POLA1: variants seen among roughly 807,000 people sequenced by gnomAD.
POLA1 encodes DNA polymerase alpha 1, catalytic subunit, also known as DNA polymerase alpha catalytic subunit.
In POLA1, 15 loss-of-function variants were observed where a neutral mutation model predicts 124.0. That is an observed-to-expected ratio of 0.12 (90% confidence interval 0.08 to 0.19). POLA1 has a LOEUF of 0.19. POLA1 is among the 10% of genes least tolerant of loss of function. The pLI is 1.00. For missense variants in POLA1, 886 were observed against 1,103.4 expected, an observed-to-expected ratio of 0.80 and a Z score of 2.79; for synonymous variants, 408 against 389.4, an observed-to-expected ratio of 1.05 and a Z score of -0.56.
chrX:24,745,066 AT>A (rs757505679), intron 23 of POLA1, among the ~76,000 whole-genome samples: 241 of 97,897 alleles, frequency 2.5e-3, no homozygotes, highest in Admixed American at 2.3e-3. Flanking sequence ...AGAGTTGAAC[AT>A]TTTTTTTTTT....
intron 26 of POLA1, among the ~76,000 whole-genome samples, chrX:24,801,452 C>T (rs951606905): frequency 9.0e-6 from 1 of 111,582 alleles, no homozygotes; most frequent in Non-Finnish European, 1.9e-5. Flanking sequence ...AGGTTTAATG[C>T]CCATGATATG....
At chrX:24,973,148 G>A (rs1295145941) in intron 36 of POLA1, among the ~76,000 whole-genome samples, 1 of 111,671 alleles carries the variant, frequency 9.0e-6, no homozygotes, top group African/African-American at 3.3e-5. Flanking sequence ...CTGAGTTCAG[G>A]AGTTCGAGAC....
At chrX:24,922,581 A>C (rs942512523) in intron 35 of POLA1, among the ~76,000 whole-genome samples, 1 of 111,446 alleles carries the variant, frequency 9.0e-6, no homozygotes, top group Non-Finnish European at 1.9e-5. Flanking sequence ...TTTTTTGATG[A>C]ATATATACTT....
At chrX:24,829,710 G>T (rs2046232922) in intron 32 of POLA1, among the ~76,000 whole-genome samples, 1 of 112,234 alleles carries the variant, frequency 8.9e-6, no homozygotes, top group Non-Finnish European at 1.9e-5. Flanking sequence ...CGAGGCCCCT[G>T]TTATCAGTTC....
chrX:24,796,580 C>G (rs1385468713), intron 26 of POLA1, among the ~76,000 whole-genome samples: 1 of 111,505 alleles, frequency 9.0e-6, no homozygotes, highest in Non-Finnish European at 1.9e-5. Context: ...GTTTTTGGTG[C>G]TAACTTGCCT....
intron 26 of POLA1, among the ~76,000 whole-genome samples, chrX:24,765,347 A>G (rs1489915850): frequency 9.8e-6 from 1 of 101,819 alleles, no homozygotes; most frequent in Non-Finnish European, 2.0e-5. Flanking sequence ...GCCCAGGCTG[A>G]AGTGCAGTGG....
At chrX:24,879,957 A>G (rs1017375532) in intron 34 of POLA1, among the ~76,000 whole-genome samples, 5 of 111,737 alleles carry the variant, frequency 4.5e-5, no homozygotes, top group African/African-American at 1.6e-4. Flanking sequence ...GATGGCTTGC[A>G]TGGGGGCTCT....
At chrX:24,854,244 C>T (rs917378485) in intron 34 of POLA1, among the ~76,000 whole-genome samples, 2 of 110,648 alleles carry the variant, frequency 1.8e-5, no homozygotes, top group Non-Finnish European at 3.8e-5. Context: ...CAGGGTTTCA[C>T]CATGTTGGCC....
chrX:24,806,913 A>C (rs1602419283), intron 26 of POLA1, among the ~76,000 whole-genome samples: 2 of 111,985 alleles, frequency 1.8e-5, no homozygotes, highest in Middle Eastern at 4.6e-3. Context: ...AGAATAAGGC[A>C]GCTCTTTATG....
At chrX:24,816,471 C>T (rs2045989593) in intron 30 of POLA1, among the ~76,000 whole-genome samples, 1 of 112,100 alleles carries the variant, frequency 8.9e-6, no homozygotes, top group Admixed American at 9.4e-5. Context: ...TTTGTTTATA[C>T]ATTAGAAGGG....
At chrX:24,795,161 CT>C (rs2148474605) in intron 26 of POLA1, among the ~76,000 whole-genome samples, 1 of 110,694 alleles carries the variant, frequency 9.0e-6, no homozygotes, top group Non-Finnish European at 1.9e-5. Flanking sequence ...CGTTTTAATG[CT>C]CTGGGTTCTG....
At chrX:24,695,581 A>T (rs915253323) in intron 1 of POLA1, among the ~76,000 whole-genome samples, 3 of 110,984 alleles carry the variant, frequency 2.7e-5, no homozygotes, top group Non-Finnish European at 5.7e-5. Context: ...CCTGGGTTCA[A>T]GCAGTTCTGC....
intron 24 of POLA1, among the ~76,000 whole-genome samples, chrX:24,746,766 A>G (rs773046042): frequency 8.0e-5 from 9 of 112,466 alleles, no homozygotes; most frequent in South Asian, 7.4e-4. Context: ...CCCTATTACT[A>G]TTGTAACAGT....
chrX:24,865,781 T>C (rs957560129), intron 34 of POLA1, among the ~76,000 whole-genome samples: 1 of 111,834 alleles, frequency 8.9e-6, no homozygotes, highest in Non-Finnish European at 1.9e-5. Context: ...GTTTTATCTT[T>C]AGTAGAAAAT....
intron 34 of POLA1, among the ~76,000 whole-genome samples, chrX:24,866,850 A>T (rs2046800930): frequency 8.9e-6 from 1 of 111,882 alleles, no homozygotes; most frequent in Admixed American, 9.5e-5. Context: ...CTGCTTATTA[A>T]GATTTTTATC....
At chrX:24,779,877 C>T (rs1051549835) in intron 26 of POLA1, among the ~76,000 whole-genome samples, 3 of 111,961 alleles carry the variant, frequency 2.7e-5, no homozygotes, top group Non-Finnish European at 5.6e-5. Context: ...CAGTTTGTCT[C>T]CAAACCCTCC....
chrX:24,964,719 C>T (rs2048203918), intron 36 of POLA1, among the ~76,000 whole-genome samples: 1 of 112,357 alleles, frequency 8.9e-6, no homozygotes. Flanking sequence ...TCTCATAATT[C>T]CATAGGCAAT....
rs2045740085 is a variant in POLA1 at position 24,802,906 on chromosome X, G to A, written c.2965-6992G>A. On this transcript the variant is annotated intron_variant, in intron 26 of 36. Transcript: ENST00000379068. Reference sequence around the variant, plus strand: ...CCAGCTACTCGGGAGGCTGAGGCAGGAGAATTGCTTGAACCTGGAAGGTAG... The same window carrying A: ...CCAGCTACTCGGGAGGCTGAGGCAGAAGAATTGCTTGAACCTGGAAGGTAG... Among the ~76,000 whole-genome samples the A allele has an allele frequency of 3.6e-5, 4 of 111,821 alleles. No homozygotes were observed. The South Asian group carries it at 1.1e-3, about 32-fold the overall frequency.
intron 26 of POLA1, among the ~76,000 whole-genome samples, chrX:24,759,516 T>A (rs779836942): frequency 2.5e-4 from 28 of 112,123 alleles, no homozygotes; most frequent in Non-Finnish European, 5.1e-4. Context: ...GGAAGTGGTA[T>A]ATTTTTTAAA....
Sources: allele counts gnomAD v4.1 joint callset (sites outside exome capture counted in the v4.1 genomes callset), GRCh38; gene constraint gnomAD v4.1.1; transcripts MANE v1.5; gene names NCBI Gene and HGNC (gene_info 2026-07-23, HGNC 2026-07-21).